Variants in STX8 observed in about 807,000 individuals in gnomAD.
STX8 encodes the protein syntaxin-8.
A neutral mutation model predicts 37.5 loss-of-function variants in STX8; 23 were observed. The observed-to-expected ratio is 0.61, with a 90% CI of 0.44 to 0.87. The LOEUF (loss-of-function observed/expected upper bound fraction) is 0.87. Ranked by LOEUF, STX8 falls within the 40% of genes least tolerant of loss-of-function variation. The pLI, the probability that STX8 is intolerant of heterozygous loss-of-function variation, is 0.00. For synonymous variants in STX8, 115 were observed against 99.1 expected, an observed-to-expected ratio of 1.16 and a Z score of -0.95; for missense variants, 313 against 284.7, an observed-to-expected ratio of 1.10 and a Z score of -0.71.
At chr17:9,332,755 T>C (rs531889016) in intron 7 of STX8, among the ~76,000 whole-genome samples, 1 of 152,368 alleles carries the variant, frequency 6.6e-6, no homozygotes, top group Non-Finnish European at 1.5e-5. Flanking sequence ...TACATTTATG[T>C]GTGCCTGCTT....
At chr17:9,418,642 C>T (rs1021058996) in intron 6 of STX8, among the ~76,000 whole-genome samples, 1 of 150,994 alleles carries the variant, frequency 6.6e-6, no homozygotes, top group East Asian at 1.9e-4. Flanking sequence ...TCCTGGCTAA[C>T]ACGTGAAACC....
chr17:9,445,320 G>C (rs1209093301), intron 6 of STX8, among the ~76,000 whole-genome samples: 6 of 151,698 alleles, frequency 4.0e-5, no homozygotes, highest in Non-Finnish European at 7.4e-5. Flanking sequence ...CACTGCGAGT[G>C]AGAAAGAAGA....
intron 7 of STX8, among the ~76,000 whole-genome samples, chr17:9,298,101 C>G (rs565198965): frequency 1.1e-4 from 16 of 152,182 alleles, no homozygotes; most frequent in Admixed American, 6.5e-4. Flanking sequence ...CTGTTTGTCA[C>G]AGTCAGCCTC....
intron 7 of STX8, among the ~76,000 whole-genome samples, chr17:9,334,815 C>T (rs755863497): frequency 2.0e-5 from 3 of 152,116 alleles, no homozygotes; most frequent in Non-Finnish European, 4.4e-5. Flanking sequence ...ATAAGACAGA[C>T]AGGAAAAGGG....
chr17:9,454,738 T>C (rs1028916674), intron 6 of STX8, among the ~76,000 whole-genome samples: 3 of 151,476 alleles, frequency 2.0e-5, no homozygotes, highest in African/African-American at 7.3e-5. Context: ...ATTTAATATA[T>C]TGGGACTGCA....
At chr17:9,399,425 G>A (rs1051577740) in intron 6 of STX8, among the ~76,000 whole-genome samples, 1 of 152,154 alleles carries the variant, frequency 6.6e-6, no homozygotes, top group Non-Finnish European at 1.5e-5. Flanking sequence ...CTGAGGAGTG[G>A]CAAAGCTGGG....
chr17:9,549,879 T>C (rs192878094), intron 3 of STX8, among the ~76,000 whole-genome samples: 1 of 152,048 alleles, frequency 6.6e-6, no homozygotes, highest in East Asian at 1.9e-4. Flanking sequence ...TTGGGTAAAG[T>C]AGGGTAGTGG....
chr17:9,303,300 A>T (rs1031507819), intron 7 of STX8, among the ~76,000 whole-genome samples: 1 of 152,088 alleles, frequency 6.6e-6, no homozygotes, highest in Non-Finnish European at 1.5e-5. Context: ...AAATAAATAA[A>T]TAAATAACCC....
intron 4 of STX8, among the ~76,000 whole-genome samples, chr17:9,517,710 T>A (rs1042075214): frequency 6.7e-6 from 1 of 149,734 alleles, no homozygotes; most frequent in African/African-American, 2.5e-5. Context: ...TCCCAGCACT[T>A]TGGAAGGCCA....
intron 4 of STX8, among the ~76,000 whole-genome samples, chr17:9,514,880 G>T (rs1905121512): frequency 6.6e-6 from 1 of 152,062 alleles, no homozygotes; most frequent in Non-Finnish European, 1.5e-5. Context: ...ATCACCCTTC[G>T]CTGTACACAC....
At chr17:9,537,831 G>T (rs1268719769) in intron 4 of STX8, among the ~76,000 whole-genome samples, 1 of 152,154 alleles carries the variant, frequency 6.6e-6, no homozygotes, top group African/African-American at 2.4e-5. Context: ...AGCTAAATCA[G>T]CTTCCTATTA....
At chr17:9,486,067 C>T (rs760231026) in intron 6 of STX8, among the ~76,000 whole-genome samples, 9 of 152,212 alleles carry the variant, frequency 5.9e-5, no homozygotes, top group South Asian at 2.1e-4. Context: ...AATAAAAGAT[C>T]CTAACATGTT....
chr17:9,422,551 T>C (rs969490695), intron 6 of STX8, among the ~76,000 whole-genome samples: 3 of 152,262 alleles, frequency 2.0e-5, no homozygotes, highest in Non-Finnish European at 4.4e-5. Context: ...ATACAATATG[T>C]GGCCTTTTGT....
chr17:9,293,291 G>A (rs79646868), intron 7 of STX8, among the ~76,000 whole-genome samples: 1 of 152,104 alleles, frequency 6.6e-6, no homozygotes, highest in African/African-American at 2.4e-5. Context: ...GAGTATCTAA[G>A]GGATGCTCGA....
intron 4 of STX8, among the ~76,000 whole-genome samples, chr17:9,529,351 A>C (rs1256668141): frequency 6.6e-6 from 1 of 152,210 alleles, no homozygotes; most frequent in Non-Finnish European, 1.5e-5. Context: ...ATGTATATAA[A>C]TATAACCATA....
At chr17:9,288,365 T>C (rs1908169567) in intron 7 of STX8, among the ~76,000 whole-genome samples, 1 of 151,856 alleles carries the variant, frequency 6.6e-6, no homozygotes, top group African/African-American at 2.4e-5. Flanking sequence ...ACAGCAGCTA[T>C]AAAGAATTTC....
At chr17:9,432,455 G>A (rs1279320117) in intron 6 of STX8, among the ~76,000 whole-genome samples, 2 of 151,648 alleles carry the variant, frequency 1.3e-5, no homozygotes, top group South Asian at 2.1e-4. Context: ...AACATCTCCC[G>A]ATTTCCACTC....
At chr17:9,552,085 C>T (rs1906785686) in intron 3 of STX8, among the ~76,000 whole-genome samples, 1 of 152,138 alleles carries the variant, frequency 6.6e-6, no homozygotes, top group Admixed American at 6.6e-5. Context: ...GATATGGTGG[C>T]TCACACCAGT....
intron 7 of STX8, among the ~76,000 whole-genome samples, chr17:9,333,550 G>A (rs1250981484): frequency 2.0e-5 from 3 of 151,852 alleles, no homozygotes; most frequent in Non-Finnish European, 4.4e-5. Context: ...ACCACGCCCA[G>A]CTAATATTTT....
Sources: gnomAD v4.1 joint callset for allele counts (sites outside exome capture counted in the v4.1 genomes callset) on GRCh38, gnomAD v4.1.1 for gene constraint, MANE v1.5 for transcripts, NCBI Gene and HGNC (gene_info 2026-07-23, HGNC 2026-07-21) for gene names.